ZFHX3: variants seen among roughly 807,000 people sequenced by gnomAD.
ZFHX3 encodes zinc finger homeobox protein 3.
A neutral mutation model predicts 279.1 loss-of-function variants in ZFHX3; 42 were observed. The observed-to-expected ratio is 0.15, with a 90% CI of 0.12 to 0.19. The LOEUF (loss-of-function observed/expected upper bound fraction) is 0.19, where lower values mean the gene tolerates loss of function less well. Among genes scored for constraint, ZFHX3 ranks in the 10% least tolerant of loss-of-function variants. The probability of loss-of-function intolerance (pLI) is 1.00; values close to 1 mark genes in which losing one functional copy is unlikely to be tolerated. For synonymous variants in ZFHX3, 2,293 were observed against 1,957.8 expected (o/e 1.17, Z -4.52); for missense variants, 4,981 against 4,754.0 (o/e 1.05, Z -1.40).
At chr16:73,805,130 A>T (rs886400034) in intron 1 of ZFHX3, among the ~76,000 whole-genome samples, 1 of 152,064 alleles carries the variant, frequency 6.6e-6, no homozygotes, top group Non-Finnish European at 1.5e-5. Context: ...AAACTTTTTC[A>T]TAAGTACCTC....
intron 3 of ZFHX3, among the ~76,000 whole-genome samples, chr16:73,352,790 G>C (rs1311403756): frequency 1.3e-5 from 2 of 152,028 alleles, no homozygotes; most frequent in African/African-American, 4.8e-5. Context: ...TAGTACAAGG[G>C]GTGTCCAATA....
chr16:73,282,906 T>C (rs1292842972), intron 4 of ZFHX3, among the ~76,000 whole-genome samples: 1 of 152,260 alleles, frequency 6.6e-6, no homozygotes, highest in East Asian at 1.9e-4. Flanking sequence ...TCATTCAATA[T>C]TGAGTTATTG....
chr16:73,029,127 G>C (rs1339888714), intron 1 of ZFHX3, among the ~76,000 whole-genome samples: 2 of 152,052 alleles, frequency 1.3e-5, no homozygotes, highest in African/African-American at 4.8e-5. Context: ...CTCAACATGG[G>C]GCCATCTTGG....
chr16:72,840,468 A>T (rs2037318821), intron 4 of ZFHX3, among the ~76,000 whole-genome samples: 1 of 152,214 alleles, frequency 6.6e-6, no homozygotes, highest in African/African-American at 2.4e-5. Flanking sequence ...TGACAATACC[A>T]ATGGGAATGA....
chr16:73,156,721 A>C (rs1422381823), intron 5 of ZFHX3, among the ~76,000 whole-genome samples: 2 of 120,988 alleles, frequency 1.7e-5, no homozygotes, highest in African/African-American at 6.8e-5. Flanking sequence ...ATGTCTGGCT[A>C]ATTTTTTTTT....
At chr16:73,113,203 T>G (rs1966398041) in intron 7 of ZFHX3, among the ~76,000 whole-genome samples, 2 of 146,818 alleles carry the variant, frequency 1.4e-5, no homozygotes, top group Admixed American at 6.8e-5. Context: ...AGAAAGAGAG[T>G]GGGAGATGGA....
At chr16:73,234,185 G>T (rs10468279) in intron 5 of ZFHX3, among the ~76,000 whole-genome samples, 221 of 152,324 alleles carry the variant, frequency 1.5e-3, no homozygotes, top group African/African-American at 5.1e-3. Context: ...AATTCATGCA[G>T]AGAATGTTCA....
chr16:73,105,316 CACACAT>C (rs1292274976), intron 7 of ZFHX3, among the ~76,000 whole-genome samples: 33 of 142,756 alleles, frequency 2.3e-4, no homozygotes, highest in South Asian at 8.8e-4. Context: ...TATATATACA[CACACAT>C]ACACACACAC....
chr16:73,612,205 A>C (rs75933863), intron 2 of ZFHX3, among the ~76,000 whole-genome samples: 2,565 of 150,270 alleles, frequency 0.017, 66 homozygotes, highest in African/African-American at 0.059. Flanking sequence ...ACTTGCAATG[A>C]TTTTTTTTTT....
intron 5 of ZFHX3, among the ~76,000 whole-genome samples, chr16:73,153,838 CG>C (rs1286281085): frequency 1.3e-5 from 2 of 151,608 alleles, no homozygotes; most frequent in Non-Finnish European, 2.9e-5. Flanking sequence ...TTAGTAGAGT[CG>C]GGGTTTCACC....
At chr16:73,750,038 A>G (rs2053747175) in intron 1 of ZFHX3, among the ~76,000 whole-genome samples, 1 of 152,112 alleles carries the variant, frequency 6.6e-6, no homozygotes, top group African/African-American at 2.4e-5. Flanking sequence ...CCATTCACCC[A>G]TCCATCCAAT....
chr16:73,448,685 CGTGT>C (rs71156167), intron 3 of ZFHX3, among the ~76,000 whole-genome samples: 2,007 of 142,138 alleles, frequency 0.014, 37 homozygotes, highest in African/African-American at 0.048. Context: ...TATTTATATA[CGTGT>C]GTGTGTGTGT....
chr16:72,916,454 T>C (rs2039445335), intron 3 of ZFHX3, among the ~76,000 whole-genome samples: 1 of 152,202 alleles, frequency 6.6e-6, no homozygotes, highest in African/African-American at 2.4e-5. Flanking sequence ...ACCTCTCCTG[T>C]CCAGCGTTTC....
rs541159817 is a variant in ZFHX3, at chr16:73,120,336, G to T, written c.-897+10632C>A. ...AGTGCACATAAGTGGTGCAATCATA[G>T]CTCATTGCAGCCTCAAACTCCGAGG... On this transcript the variant is annotated intron_variant, in intron 7 of 17. Coordinates refer to the ZFHX3 transcript ENST00000641206. 9.2e-5 allele frequency among the ~76,000 whole-genome samples: 14 copies of T among 151,422 alleles called. No homozygotes were observed. In the South Asian group the frequency reaches 2.1e-3, roughly 23 times the overall value.
chr16:73,425,647 G>A (rs561117967), intron 3 of ZFHX3, among the ~76,000 whole-genome samples: 17 of 152,146 alleles, frequency 1.1e-4, no homozygotes, highest in African/African-American at 3.6e-4. Flanking sequence ...CAGATGGGTC[G>A]AGCTGATGGA....
At chr16:73,771,574 C>T (rs1456763990) in intron 1 of ZFHX3, among the ~76,000 whole-genome samples, 1 of 152,144 alleles carries the variant, frequency 6.6e-6, no homozygotes, top group East Asian at 1.9e-4. Context: ...CACACATGCG[C>T]CACAGCCAAA....
chr16:73,856,394 A>T (rs536754504), intron 1 of ZFHX3, among the ~76,000 whole-genome samples: 134 of 152,220 alleles, frequency 8.8e-4, no homozygotes, highest in South Asian at 2.7e-3. Flanking sequence ...TTCAAACTTA[A>T]CTCCTTTAAA....
chr16:73,891,419 C>G lies in ZFHX3; in HGVS notation c.-1608+232G>C, dbSNP rs913186287. 1.1e-4 allele frequency among the ~76,000 whole-genome samples: 16 copies of G among 152,156 alleles called. No homozygotes were observed. The South Asian group carries it at 3.1e-3, about 30-fold the overall frequency. On this transcript the variant is annotated intron_variant, in intron 1 of 17. Coordinates refer to the ZFHX3 transcript ENST00000641206. Reference sequence around the variant, plus strand: ...GAGTTCCGTTCTCAGATTGCTTAAGCAGGGAAGAAGTTAGGTAGCTCCCCC... The same window carrying G: ...GAGTTCCGTTCTCAGATTGCTTAAGGAGGGAAGAAGTTAGGTAGCTCCCCC...
intron 3 of ZFHX3, among the ~76,000 whole-genome samples, chr16:73,415,418 G>C (rs2017551843): frequency 6.6e-6 from 1 of 152,066 alleles, no homozygotes; most frequent in South Asian, 2.1e-4. Flanking sequence ...GCCTTAAATG[G>C]GTATTAAGCC....
Sources: gnomAD v4.1 joint callset for allele counts (sites outside exome capture counted in the v4.1 genomes callset) on GRCh38, gnomAD v4.1.1 for gene constraint, MANE v1.5 for transcripts, NCBI Gene and HGNC (gene_info 2026-07-23, HGNC 2026-07-21) for gene names.